The following HPS5 variants were observed in gnomAD, a reference collection of about 807,000 sequenced individuals.
The protein encoded by HPS5 is HPS5 biogenesis of lysosomal organelles complex 2 subunit 2, also known as BLOC-2 complex member HPS5.
Under a neutral mutation model 128.0 loss-of-function variants are expected in HPS5, and 83 were observed. The ratio of observed to expected loss-of-function variants is 0.65; its 90% CI spans 0.54 to 0.78. HPS5 has a LOEUF of 0.78. Ranked by LOEUF, HPS5 falls within the 30% of genes least tolerant of loss-of-function variation. HPS5 has a pLI of 0.00. For synonymous variants in HPS5, 475 were observed against 470.2 expected, an observed-to-expected ratio of 1.01 and a Z score of -0.13; for missense variants, 1,281 against 1,326.2, an observed-to-expected ratio of 0.97 and a Z score of 0.53.
In HPS5 at chr11:18,304,443, C is replaced by T. The variant is rs7949527; in HGVS notation, c.896+979G>A. On this transcript the variant is annotated intron_variant, in intron 8 of 22. Coordinates refer to ENST00000349215, the MANE Select transcript of HPS5 (RefSeq NM_181507.2). The stretch of plus-strand genomic sequence containing the variant: ...TGTTGATAGGCTAGTCTTGAACTCC[C>T]GACCTCAGAAGATCTGTCCGCCTCG... 6.6e-5 allele frequency among the ~76,000 whole-genome samples: 10 copies of T among 152,026 alleles called. No homozygotes were observed. In the South Asian group the frequency reaches 1.2e-3, roughly 19 times the overall value.
chr11:18,290,374 G>C (rs996019543), intron 16 of HPS5, among the ~76,000 whole-genome samples: 4 of 152,158 alleles, frequency 2.6e-5, no homozygotes, highest in African/African-American at 9.7e-5. Flanking sequence ...CTCTGCCTCA[G>C]ACTGCTTATC....
chr11:18,284,147 T>C (rs1166267600), intron 20 of HPS5, among the ~76,000 whole-genome samples: 2 of 151,954 alleles, frequency 1.3e-5, no homozygotes, highest in African/African-American at 4.8e-5. Context: ...GAAAGTTCTA[T>C]TAGATGACCC....
chr11:18,295,255 A>T, intron 13 of HPS5, 86 bp from the exon 14 acceptor site: 1 of 1,382,430 alleles, frequency 7.2e-7, no homozygotes, highest in Non-Finnish European at 1.0e-6. Flanking sequence ...TTTCTCCCTA[A>T]TAAGTCCTAG....
At chr11:18,297,499 G>A in intron 11 of HPS5, 60 bp downstream of exon 11, 1 of 1,518,230 alleles carries the variant, frequency 6.6e-7, no homozygotes, top group Non-Finnish European at 9.1e-7. Flanking sequence ...AGGTAAATAA[G>A]AACAACCGAA....
intron 11 of HPS5, 91 bp downstream of exon 11, chr11:18,297,468 C>T: frequency 1.6e-6 from 2 of 1,236,856 alleles, no homozygotes; most frequent in Non-Finnish European, 2.3e-6. Flanking sequence ...ATGGAAAGGA[C>T]AACAAATTTG....
chr11:18,310,628 C>T (rs903139240), intron 5 of HPS5, 113 bp downstream of exon 5: 25 of 902,688 alleles, frequency 2.8e-5, no homozygotes, highest in Middle Eastern at 2.6e-4. Context: ...GTTTGGACTC[C>T]GGATTAGTCT....
chr11:18,322,142 A>C (rs1179537289), upstream of HPS5: 2 of 152,392 alleles, frequency 1.3e-5, no homozygotes, highest in African/African-American at 4.8e-5. Context: ...CCGCGCACTA[A>C]GAGCGGAACG....
chr11:18,321,966 T>C lies in HPS5; in HGVS notation c.-70A>G, dbSNP rs1421803077. On this transcript the variant is annotated 5_prime_UTR_variant, in exon 1 of 23. Transcript: ENST00000349215. ...ACTACCTTTTTAACAGCAGTAACTT[T>C]AATATCTTGAGATTTCTTGAGAGGA... 4 of 152,304 alleles carry C rather than the reference T, an allele frequency of 2.6e-5. No homozygotes were observed. The highest frequency in any genetic ancestry group is 2.6e-4 in the Admixed American group (4 of 15,288). The allele number at this position is 152,304 out of a possible 1,614,324, so 9.4% of individuals were successfully genotyped here.
At chr11:18,290,421 T>C (rs1860253937) in intron 16 of HPS5, among the ~76,000 whole-genome samples, 1 of 152,236 alleles carries the variant, frequency 6.6e-6, no homozygotes, top group Non-Finnish European at 1.5e-5. Flanking sequence ...CCAAACATTA[T>C]TGTAAGGATG....
chr11:18,304,444 G>A (rs1283185406), intron 8 of HPS5, among the ~76,000 whole-genome samples: 3 of 151,986 alleles, frequency 2.0e-5, no homozygotes, highest in African/African-American at 4.8e-5. Flanking sequence ...TTGAACTCCC[G>A]ACCTCAGAAG....
At chr11:18,283,230 G>A (rs546435028) in intron 21 of HPS5, among the ~76,000 whole-genome samples, 31 of 151,406 alleles carry the variant, frequency 2.0e-4, no homozygotes, top group Non-Finnish European at 1.5e-4. Context: ...TCAAACTCCC[G>A]ACCTCAGGTG....
chr11:18,288,877 CAT>C (rs528283544), intron 16 of HPS5, among the ~76,000 whole-genome samples: 2 of 150,956 alleles, frequency 1.3e-5, no homozygotes, highest in Non-Finnish European at 3.0e-5. Flanking sequence ...TGGGTGTGTG[CAT>C]GTGTGTGTGT....
chr11:18,313,454 A>C (rs1863233124), intron 2 of HPS5, among the ~76,000 whole-genome samples: 2 of 152,210 alleles, frequency 1.3e-5, no homozygotes, highest in Non-Finnish European at 2.9e-5. Flanking sequence ...TTTTAATATG[A>C]GTTTTTGCTA....
At position 18,317,732 on chromosome 11, in the gene HPS5, C is replaced by G. The variant is rs1031547241; in HGVS notation, c.108+19G>C. The G allele has an allele frequency of 1.9e-6, 3 of 1,610,924 alleles. No individual in the cohort carries two copies. Among genetic ancestry groups the G allele is most frequent in the Non-Finnish European group, 2.5e-6 (3 of 1,178,252 alleles). ...AGAGCACGTGAAAATGAAACTGATACAAGGATCAAGAAATTCACCTTTAGA... is the reference window on the plus strand; with the variant it reads ...AGAGCACGTGAAAATGAAACTGATAGAAGGATCAAGAAATTCACCTTTAGA... On this transcript the variant is annotated intron_variant, in intron 2 of 22. Transcript: ENST00000349215.
rs117785861 is a variant in HPS5 at position 18,318,970 on chromosome 11, C to T, written c.-49-1063G>A. Among the ~76,000 whole-genome samples, 1,406 of 151,726 alleles carry T rather than the reference C, an allele frequency of 9.3e-3. 48 individuals carry two copies. The highest frequency in any genetic ancestry group is 0.075 in the East Asian group (387 of 5,174). On this transcript the variant is annotated intron_variant, in intron 1 of 22. Coordinates refer to ENST00000349215, the MANE Select transcript of HPS5 (RefSeq NM_181507.2). Reference sequence around the variant, plus strand: ...AAGACTATATTTTTTATTGCACACACATAACACAATCTTATTTTCTGCTAG... The same window carrying T: ...AAGACTATATTTTTTATTGCACACATATAACACAATCTTATTTTCTGCTAG...
At chr11:18,280,462 CT>C (rs1564920404) in intron 22 of HPS5, 1 of 650,880 alleles carries the variant, frequency 1.5e-6, no homozygotes, top group Non-Finnish European at 2.8e-6. Context: ...GGTGCAGTCT[CT>C]ACAGAACAGT....
At chr11:18,288,098 T>C in intron 16 of HPS5, 85 bp from the exon 17 acceptor site, 3 of 1,448,486 alleles carry the variant, frequency 2.1e-6, no homozygotes, top group Middle Eastern at 1.8e-4. Flanking sequence ...CAGCAATCAT[T>C]AGTCACGTAC....
intron 21 of HPS5, among the ~76,000 whole-genome samples, chr11:18,282,713 G>A (rs541125697): frequency 1.3e-5 from 2 of 151,930 alleles, no homozygotes; most frequent in Non-Finnish European, 2.9e-5. Context: ...ACTTAAACAC[G>A]TAAGTATATA....
chr11:18,301,749 A>G (rs4366463), intron 8 of HPS5, among the ~76,000 whole-genome samples: 21,134 of 152,074 alleles, frequency 0.14, 1,576 homozygotes, highest in African/African-American at 0.19. Flanking sequence ...ATATTACCTA[A>G]CTTTGTAGAA....
Sources: allele counts gnomAD v4.1 joint callset (sites outside exome capture counted in the v4.1 genomes callset), GRCh38; gene constraint gnomAD v4.1.1; transcripts MANE v1.5; gene names NCBI Gene and HGNC (gene_info 2026-07-23, HGNC 2026-07-21).